NREP: variants seen among roughly 807,000 people sequenced by gnomAD.
The protein encoded by NREP is neuronal regeneration related protein.
A neutral mutation model predicts 8.6 loss-of-function variants in NREP; 5 were observed. That is an observed-to-expected ratio of 0.58 (90% CI 0.30 to 1.22). NREP has a LOEUF of 1.22. Among genes scored for constraint, NREP ranks in the 50% most tolerant of loss-of-function variants. The pLI is 0.07. For missense variants in NREP, 86 were observed against 82.5 expected (o/e 1.04, Z -0.17); for synonymous variants, 27 against 28.0 (o/e 0.96, Z 0.11).
At chr5:111,819,092 T>C (rs1752458276) in intron 2 of NREP, among the ~76,000 whole-genome samples, 2 of 152,152 alleles carry the variant, frequency 1.3e-5, no homozygotes, top group African/African-American at 2.4e-5. Flanking sequence ...AACTTCCTGG[T>C]TCTCTTTACC....
At chr5:111,824,533 T>C (rs1018701638) in intron 2 of NREP, among the ~76,000 whole-genome samples, 5 of 152,220 alleles carry the variant, frequency 3.3e-5, no homozygotes, top group Admixed American at 2.6e-4. Context: ...TCTTTTTTAA[T>C]GTTTTTTGAA....
chr5:111,734,408 T>C (rs1454610572), intron 3 of NREP: 1 of 220,796 alleles, frequency 4.5e-6, no homozygotes, highest in Non-Finnish European at 8.9e-6. Flanking sequence ...GCTCTACAAA[T>C]CAGTGCAAGT....
chr5:111,791,119 T>C (rs1751736549), intron 2 of NREP, among the ~76,000 whole-genome samples: 1 of 152,208 alleles, frequency 6.6e-6, no homozygotes, highest in African/African-American at 2.4e-5. Flanking sequence ...TTATATATTT[T>C]TGGAGTGGAA....
intron 2 of NREP, among the ~76,000 whole-genome samples, chr5:111,748,447 A>G (rs960399523): frequency 7.2e-5 from 11 of 152,254 alleles, no homozygotes; most frequent in African/African-American, 2.2e-4. Context: ...GAAATAACAG[A>G]TTGTCATGTA....
chr5:111,845,374 C>G (rs1309435841), intron 2 of NREP, among the ~76,000 whole-genome samples: 3 of 151,396 alleles, frequency 2.0e-5, no homozygotes, highest in Non-Finnish European at 4.4e-5. Context: ...ATAAATTGTT[C>G]AAATTGATGT....
chr5:111,834,504 G>A (rs1426105237), intron 2 of NREP, among the ~76,000 whole-genome samples: 1 of 152,170 alleles, frequency 6.6e-6, no homozygotes, highest in East Asian at 1.9e-4. Flanking sequence ...GGCAAATGCA[G>A]TAATATTTGG....
At chr5:111,882,516 G>C (rs577878679) in intron 2 of NREP, among the ~76,000 whole-genome samples, 224 of 152,218 alleles carry the variant, frequency 1.5e-3, no homozygotes, top group African/African-American at 5.1e-3. Context: ...GCAACTCGAA[G>C]ACACATAATT....
chr5:111,731,298 C>A (rs573264934), intron 3 of NREP, among the ~76,000 whole-genome samples: 2 of 151,992 alleles, frequency 1.3e-5, no homozygotes, highest in South Asian at 2.1e-4. Flanking sequence ...GCTTCTGTTA[C>A]GGTGGTGCCA....
intron 2 of NREP, among the ~76,000 whole-genome samples, chr5:111,825,336 G>A (rs924854861): frequency 2.0e-5 from 3 of 152,158 alleles, no homozygotes; most frequent in Non-Finnish European, 2.9e-5. Flanking sequence ...TGGATACTAA[G>A]TATTGGGGTG....
At chr5:111,837,106 T>G (rs1043037633) in intron 2 of NREP, among the ~76,000 whole-genome samples, 1 of 152,054 alleles carries the variant, frequency 6.6e-6, no homozygotes, top group Non-Finnish European at 1.5e-5. Flanking sequence ...AAAATAAAAT[T>G]TTTTTTGGCT....
chr5:111,773,497 C>G (rs865780499), intron 2 of NREP, among the ~76,000 whole-genome samples: 10 of 152,254 alleles, frequency 6.6e-5, no homozygotes, highest in African/African-American at 2.4e-4. Flanking sequence ...ATTATTTATT[C>G]TACTGAGGAT....
chr5:111,894,418 A>T (rs996874778), intron 2 of NREP, among the ~76,000 whole-genome samples: 1 of 151,060 alleles, frequency 6.6e-6, no homozygotes, highest in South Asian at 2.1e-4. Flanking sequence ...ATGCATTCTA[A>T]TCAGGTTTCC....
At chr5:111,972,588 T>C (rs1319179123) in intron 2 of NREP, among the ~76,000 whole-genome samples, 2 of 152,224 alleles carry the variant, frequency 1.3e-5, no homozygotes, top group Non-Finnish European at 1.5e-5. Context: ...TTAATATTTG[T>C]GCACAAGTCA....
At chr5:111,841,479 G>A (rs947922888) in intron 2 of NREP, among the ~76,000 whole-genome samples, 1 of 152,144 alleles carries the variant, frequency 6.6e-6, no homozygotes. Flanking sequence ...GGACTAAAAG[G>A]TAGACCAATA....
At chr5:111,766,927 T>C (rs1294571580) in intron 2 of NREP, among the ~76,000 whole-genome samples, 1 of 152,236 alleles carries the variant, frequency 6.6e-6, no homozygotes, top group Non-Finnish European at 1.5e-5. Flanking sequence ...TGAAACTTCT[T>C]CATTCCTTCT....
chr5:111,913,745 T>G (rs1754977328), intron 2 of NREP, among the ~76,000 whole-genome samples: 1 of 152,100 alleles, frequency 6.6e-6, no homozygotes, highest in Non-Finnish European at 1.5e-5. Context: ...AATTCCCAGC[T>G]CTACCTTCTC....
intron 2 of NREP, among the ~76,000 whole-genome samples, chr5:111,874,422 T>G (rs922207116): frequency 1.3e-5 from 2 of 152,194 alleles, no homozygotes; most frequent in African/African-American, 4.8e-5. Context: ...CTCCAGTAAC[T>G]TGCTCCTAAG....
chr5:111,734,778 C>T (rs1218850407), intron 3 of NREP: 1 of 692,700 alleles, frequency 1.4e-6, no homozygotes, highest in African/African-American at 1.8e-5. Context: ...AAAAAGTATA[C>T]TCTCCCCGCT....
At chr5:111,795,483 A>G (rs1751853813) in intron 2 of NREP, among the ~76,000 whole-genome samples, 1 of 152,220 alleles carries the variant, frequency 6.6e-6, no homozygotes, top group Non-Finnish European at 1.5e-5. Flanking sequence ...GTTGCTTGAA[A>G]TATTCTTTGA....
Sources: gnomAD v4.1 joint callset for allele counts (sites outside exome capture counted in the v4.1 genomes callset) on GRCh38, gnomAD v4.1.1 for gene constraint, MANE v1.5 for transcripts, NCBI Gene and HGNC (gene_info 2026-07-23, HGNC 2026-07-21) for gene names.